Variants in PCSK2 observed in about 807,000 individuals in gnomAD.
The protein encoded by PCSK2 is neuroendocrine convertase 2.
Under a neutral mutation model 69.7 loss-of-function variants are expected in PCSK2, and 14 were observed. The ratio of observed to expected loss-of-function variants is 0.20; its 90% CI spans 0.13 to 0.31. The LOEUF is 0.31. Among genes scored for constraint, PCSK2 ranks in the 10% least tolerant of loss-of-function variants. PCSK2 has a pLI of 1.00. For synonymous variants in PCSK2, 307 were observed against 320.7 expected (o/e 0.96, Z 0.46); for missense variants, 544 against 842.5 (o/e 0.65, Z 4.39).
chr20:17,334,207 T>G (rs1007109047), intron 2 of PCSK2, among the ~76,000 whole-genome samples: 6 of 151,752 alleles, frequency 4.0e-5, no homozygotes, highest in Admixed American at 3.9e-4. Context: ...TAGAAAACAG[T>G]TTTGCCTGGA....
rs537676558 is a variant in PCSK2 at position 17,419,468 on chromosome 20, T to G, written c.621-9967T>G. Among the ~76,000 whole-genome samples, 11 of 152,324 alleles carry G rather than the reference T, an allele frequency of 7.2e-5. No homozygotes were observed. The South Asian group carries it at 1.5e-3, about 20-fold the overall frequency. ...AAATAATAATAATAGTAACTCAAAT[T>G]GTAAAAAGGTAGAAAATACACATTT... On this transcript the variant is annotated intron_variant, in intron 6 of 11. Transcript: ENST00000262545.
At chr20:17,414,875 T>C (rs1487202918) in intron 6 of PCSK2, among the ~76,000 whole-genome samples, 10 of 152,144 alleles carry the variant, frequency 6.6e-5, no homozygotes, top group Non-Finnish European at 1.3e-4. Flanking sequence ...GCAAGGCTGG[T>C]TCAACATATG....
chr20:17,358,167 A>C (rs1397345111), intron 2 of PCSK2, among the ~76,000 whole-genome samples, 160 bp from the exon 3 acceptor site: 1 of 152,094 alleles, frequency 6.6e-6, no homozygotes, highest in Admixed American at 6.6e-5. Context: ...CAAAATAATA[A>C]TAATAATGGT....
intron 5 of PCSK2, among the ~76,000 whole-genome samples, chr20:17,399,650 G>A (rs147747085): frequency 2.6e-5 from 4 of 152,222 alleles, no homozygotes; most frequent in Non-Finnish European, 5.9e-5. Flanking sequence ...TTGCAGGAGC[G>A]TTTTGCAAGG....
intron 2 of PCSK2, among the ~76,000 whole-genome samples, chr20:17,305,166 G>A (rs761957069): frequency 6.6e-6 from 1 of 152,126 alleles, no homozygotes; most frequent in Non-Finnish European, 1.5e-5. Flanking sequence ...ATAAATGTTA[G>A]GCAAGAAAAT....
At chr20:17,332,792 G>T (rs1392772305) in intron 2 of PCSK2, among the ~76,000 whole-genome samples, 4 of 152,098 alleles carry the variant, frequency 2.6e-5, no homozygotes, top group African/African-American at 9.7e-5. Flanking sequence ...AAGGTTGATG[G>T]TTTTCACCGT....
chr20:17,262,816 G>A (rs1168726218), intron 2 of PCSK2, among the ~76,000 whole-genome samples: 2 of 152,244 alleles, frequency 1.3e-5, no homozygotes, highest in Admixed American at 1.3e-4. Context: ...AGGCTTTTAT[G>A]TCTTACATAG....
At chr20:17,286,153 A>C (rs1389895089) in intron 2 of PCSK2, among the ~76,000 whole-genome samples, 2 of 152,212 alleles carry the variant, frequency 1.3e-5, no homozygotes, top group Non-Finnish European at 2.9e-5. Context: ...TTTTCTCCAC[A>C]TGAACAAGGT....
intron 2 of PCSK2, among the ~76,000 whole-genome samples, chr20:17,272,873 T>A (rs1170484082): frequency 6.6e-6 from 1 of 152,158 alleles, no homozygotes; most frequent in Non-Finnish European, 1.5e-5. Context: ...TGTGTGTGTA[T>A]ATGGCTCTCT....
At chr20:17,303,664 C>T (rs752261278) in intron 2 of PCSK2, among the ~76,000 whole-genome samples, 21 of 145,014 alleles carry the variant, frequency 1.4e-4, no homozygotes, top group Non-Finnish European at 2.4e-4. Flanking sequence ...GCAACCTCTG[C>T]CTCCCGAGTT....
intron 11 of PCSK2, among the ~76,000 whole-genome samples, chr20:17,465,898 G>A (rs1214621202): frequency 6.6e-6 from 1 of 152,026 alleles, no homozygotes; most frequent in African/African-American, 2.4e-5. Flanking sequence ...CAAACTCCTG[G>A]GTTCAAGTGA....
chr20:17,239,841 CT>C (rs869179656), intron 1 of PCSK2, among the ~76,000 whole-genome samples: 209 of 68,630 alleles, frequency 3.0e-3, no homozygotes, highest in South Asian at 0.012. Context: ...GGTGAAAACA[CT>C]TTTTTTTTTT....
intron 2 of PCSK2, among the ~76,000 whole-genome samples, chr20:17,306,524 G>A (rs1198276647): frequency 6.6e-6 from 1 of 152,162 alleles, no homozygotes; most frequent in Non-Finnish European, 1.5e-5. Context: ...AGTATAACAT[G>A]TAAAAGTTTG....
intron 2 of PCSK2, among the ~76,000 whole-genome samples, chr20:17,328,323 A>C (rs1039907299): frequency 6.7e-6 from 1 of 150,294 alleles, no homozygotes; most frequent in Non-Finnish European, 1.5e-5. Context: ...ATTTTAATAT[A>C]TATATAATTA....
At chr20:17,481,509 T>C in intron 11 of PCSK2, 75 bp from the exon 12 acceptor site, 4 of 1,437,344 alleles carry the variant, frequency 2.8e-6, no homozygotes, top group Non-Finnish European at 3.8e-6. Flanking sequence ...TTCCGCCACC[T>C]GAAGCTGCCC....
intron 2 of PCSK2, among the ~76,000 whole-genome samples, chr20:17,294,789 C>T (rs17776196): frequency 0.15 from 23,314 of 150,594 alleles, 2,274 homozygotes; most frequent in Non-Finnish European, 0.22. Flanking sequence ...TGAGAGTTAA[C>T]AATCTGAACA....
At chr20:17,351,920 T>C (rs2123197045) in intron 2 of PCSK2, among the ~76,000 whole-genome samples, 1 of 152,300 alleles carries the variant, frequency 6.6e-6, no homozygotes, top group East Asian at 1.9e-4. Flanking sequence ...TATCTCTTCA[T>C]TTATGATATG....
At chr20:17,296,540 A>G (rs1363634671) in intron 2 of PCSK2, among the ~76,000 whole-genome samples, 1 of 152,050 alleles carries the variant, frequency 6.6e-6, no homozygotes, top group Non-Finnish European at 1.5e-5. Context: ...TGGCCTGTCA[A>G]ACTCAGCCTT....
chr20:17,296,532 G>A (rs1045472926), intron 2 of PCSK2, among the ~76,000 whole-genome samples: 1 of 151,908 alleles, frequency 6.6e-6, no homozygotes, highest in Non-Finnish European at 1.5e-5. Flanking sequence ...TTCCAACCTG[G>A]CCTGTCAAAC....
Sources: allele counts gnomAD v4.1 joint callset (sites outside exome capture counted in the v4.1 genomes callset), GRCh38; gene constraint gnomAD v4.1.1; transcripts MANE v1.5; gene names NCBI Gene and HGNC (gene_info 2026-07-23, HGNC 2026-07-21).